The following VSNL1 variants were observed in gnomAD, a reference collection of about 807,000 sequenced individuals.
VSNL1 encodes the protein visinin like 1, also known as visinin-like protein 1.
VSNL1 carries 6 observed loss-of-function variants against 20.4 expected under a neutral mutation model. The ratio of observed to expected loss-of-function variants is 0.29; its 90% CI spans 0.16 to 0.58. The LOEUF (loss-of-function observed/expected upper bound fraction) is 0.58. VSNL1 is among the 20% of genes least tolerant of loss of function. The pLI, the probability that VSNL1 is intolerant of heterozygous loss-of-function variation, is 0.90. For synonymous variants in VSNL1, 93 were observed against 86.4 expected, an observed-to-expected ratio of 1.08 and a Z score of -0.42; for missense variants, 100 against 234.5, an observed-to-expected ratio of 0.43 and a Z score of 3.75.
chr2:17,625,669 G>C (rs1015548146), intron 2 of VSNL1, among the ~76,000 whole-genome samples: 15 of 152,170 alleles, frequency 9.9e-5, no homozygotes, highest in Admixed American at 7.2e-4. Flanking sequence ...AGGAGGCAGG[G>C]GCTGGGGGCG....
chr2:17,626,283 G>A (rs866799518), intron 2 of VSNL1, among the ~76,000 whole-genome samples: 26 of 152,166 alleles, frequency 1.7e-4, no homozygotes, highest in African/African-American at 5.1e-4. Context: ...CGTAGCTAGC[G>A]AATCACAGGC....
intron 1 of VSNL1, among the ~76,000 whole-genome samples, chr2:17,571,914 A>G (rs1664093619): frequency 1.3e-5 from 2 of 152,218 alleles, no homozygotes; most frequent in South Asian, 2.1e-4. Context: ...AGGAAAAGAG[A>G]ATTCTAAGGA....
At chr2:17,590,589 C>T (rs542412986) in intron 1 of VSNL1, among the ~76,000 whole-genome samples, 7 of 152,092 alleles carry the variant, frequency 4.6e-5, no homozygotes, top group African/African-American at 9.6e-5. Context: ...TTTGTGCTGC[C>T]GAGATTGTGC....
chr2:17,588,194 C>T (rs1210044260), intron 1 of VSNL1, among the ~76,000 whole-genome samples: 1 of 152,184 alleles, frequency 6.6e-6, no homozygotes, highest in Non-Finnish European at 1.5e-5. Context: ...GTAATAAACA[C>T]TTAAATGCTG....
At chr2:17,642,650 T>C (rs1665907410) in intron 2 of VSNL1, among the ~76,000 whole-genome samples, 1 of 151,980 alleles carries the variant, frequency 6.6e-6, no homozygotes, top group African/African-American at 2.4e-5. Flanking sequence ...GGTAAGGAGG[T>C]TGGATTTCTA....
rs147453793 is a variant in VSNL1 at position 17,648,864 on chromosome 2, A to G, written c.163-546A>G. On this transcript the variant is annotated intron_variant, in intron 2 of 3. Coordinates refer to ENST00000295156, the MANE Select transcript of VSNL1 (RefSeq NM_003385.5). ...ATGAGTTTTAAATGTCTGTTCTGCA[A>G]AAGAAAAGTCCCTGCAAAAAGAAGT... is the stretch of plus-strand genomic sequence containing the variant. 2.0e-3 allele frequency among the ~76,000 whole-genome samples: 312 copies of G among 152,322 alleles called. 1 individual carries two copies. Among genetic ancestry groups the G allele is most frequent in the African/African-American group, 7.1e-3 (295 of 41,566 alleles).
chr2:17,646,241 A>G (rs536262879), intron 2 of VSNL1, among the ~76,000 whole-genome samples: 30 of 152,234 alleles, frequency 2.0e-4, no homozygotes, highest in Non-Finnish European at 3.2e-4. Context: ...CTTGCAGTAC[A>G]TATGTGCTGC....
In VSNL1 at chr2:17,655,398, G is replaced by A; in HGVS notation, c.*4G>A. The A allele has an allele frequency of 6.2e-7, 1 of 1,601,426 alleles. No homozygotes were observed. The highest frequency in any genetic ancestry group is 1.7e-5 in the Admixed American group (1 of 59,680). ...GCAGTGCGACATCCAGAAATGAGCTGATGTCAATGCTATGGACTGCACAAA... is the reference window on the plus strand; with the variant it reads ...GCAGTGCGACATCCAGAAATGAGCTAATGTCAATGCTATGGACTGCACAAA... On this transcript the variant is annotated 3_prime_UTR_variant, in exon 4 of 4. Coordinates refer to ENST00000295156, the MANE Select transcript of VSNL1 (RefSeq NM_003385.5). The surrounding 1 kb of genome is among the most constrained non-coding windows in gnomAD (Gnocchi z 5.2).
chr2:17,557,245 T>G (rs982711781), intron 1 of VSNL1, among the ~76,000 whole-genome samples: 4 of 152,206 alleles, frequency 2.6e-5, no homozygotes, highest in Non-Finnish European at 4.4e-5. Context: ...ATTGGATCGA[T>G]GCTCTTTTTA....
At chr2:17,594,411 T>C (rs1664667353) in intron 2 of VSNL1, among the ~76,000 whole-genome samples, 2 of 152,124 alleles carry the variant, frequency 1.3e-5, no homozygotes, top group Admixed American at 1.3e-4. Flanking sequence ...ATATGCCACG[T>C]ACACAGAAAA....
intron 1 of VSNL1, among the ~76,000 whole-genome samples, chr2:17,553,310 A>C (rs1663592465): frequency 6.6e-6 from 1 of 152,176 alleles, no homozygotes; most frequent in Non-Finnish European, 1.5e-5. Context: ...TTCCCATATG[A>C]AAAGGCAGAA....
chr2:17,603,750 A>C (rs1664884103), intron 2 of VSNL1, among the ~76,000 whole-genome samples: 1 of 152,214 alleles, frequency 6.6e-6, no homozygotes, highest in African/African-American at 2.4e-5. Flanking sequence ...GTGTTAGAGG[A>C]CAATGGAAAT....
chr2:17,608,875 G>T (rs978379007), intron 2 of VSNL1, among the ~76,000 whole-genome samples: 7 of 152,128 alleles, frequency 4.6e-5, no homozygotes, highest in Non-Finnish European at 7.3e-5. Context: ...TTGAAGGGAT[G>T]AATGACTCCC....
rs887192696 is a variant in VSNL1, at chr2:17,655,589, A to G, written c.*195A>G. 2 of 568,480 alleles carry G rather than the reference A, an allele frequency of 3.5e-6. No homozygotes were observed. Among genetic ancestry groups the G allele is most frequent in the Non-Finnish European group, 6.1e-6 (2 of 325,896 alleles). 35.2% of individuals were successfully genotyped at this position (568,480 alleles called of 1,614,324 possible). Reference sequence around the variant, plus strand: ...AGAATGTCATTTGCTAATGAATTTTAAAAGCATATATAAAACAAAACAAAC... The same window carrying G: ...AGAATGTCATTTGCTAATGAATTTTGAAAGCATATATAAAACAAAACAAAC... On this transcript the variant is annotated 3_prime_UTR_variant, in exon 4 of 4. Transcript: ENST00000295156. This position sits in a 1 kb window ranked among gnomAD's most constrained non-coding sequence, Gnocchi z 5.2.
intron 2 of VSNL1, among the ~76,000 whole-genome samples, chr2:17,647,788 C>G (rs558287975): frequency 3.3e-5 from 5 of 152,104 alleles, no homozygotes; most frequent in African/African-American, 4.8e-5. Flanking sequence ...AGTAAAGTCC[C>G]CCCATTAACT....
chr2:17,622,420 C>T (rs1157321649), intron 2 of VSNL1, among the ~76,000 whole-genome samples: 1 of 150,896 alleles, frequency 6.6e-6, no homozygotes. Flanking sequence ...ATCACTTAAA[C>T]CCAGGAGGCG....
At chr2:17,593,512 C>T (rs1250407495) in intron 2 of VSNL1, among the ~76,000 whole-genome samples, 2 of 152,000 alleles carry the variant, frequency 1.3e-5, no homozygotes, top group Non-Finnish European at 2.9e-5. Flanking sequence ...AAGATTCAAA[C>T]GAAAAGTTAC....
intron 2 of VSNL1, among the ~76,000 whole-genome samples, chr2:17,616,915 A>C (rs1211823370): frequency 6.6e-6 from 1 of 152,164 alleles, no homozygotes; most frequent in Non-Finnish European, 1.5e-5. Context: ...AATGGACACT[A>C]TTCTGAGAAA....
chr2:17,555,682 A>ATT (rs1553298535), intron 1 of VSNL1, among the ~76,000 whole-genome samples: 2 of 152,018 alleles, frequency 1.3e-5, no homozygotes, highest in Non-Finnish European at 2.9e-5. Flanking sequence ...ATTTCTAATC[A>ATT]TTTTTTCTCC....
Sources: gnomAD v4.1 joint callset for allele counts (sites outside exome capture counted in the v4.1 genomes callset) on GRCh38, gnomAD v4.1.1 for gene constraint, Gnocchi (gnomAD v3.1) non-coding constraint, MANE v1.5 for transcripts, NCBI Gene and HGNC (gene_info 2026-07-23, HGNC 2026-07-21) for gene names.